The following SHISA4 variants were observed in gnomAD, a reference collection of about 807,000 sequenced individuals.
SHISA4 encodes shisa family member 4.
SHISA4 carries 16 observed loss-of-function variants against 24.2 expected under a neutral mutation model. The ratio of observed to expected loss-of-function variants is 0.66; its 90% confidence interval spans 0.45 to 1.00. The LOEUF is 1.00. Among genes scored for constraint, SHISA4 ranks in the 50% least tolerant of loss-of-function variants. The probability of loss-of-function intolerance (pLI) is 0.00; values close to 1 mark genes in which losing one functional copy is unlikely to be tolerated. For synonymous variants in SHISA4, 106 were observed against 105.4 expected, an observed-to-expected ratio of 1.01 and a Z score of -0.04; for missense variants, 238 against 258.9, an observed-to-expected ratio of 0.92 and a Z score of 0.55.
intron 1 of SHISA4, 31 bp downstream of exon 1, chr1:201,889,098 T>C: frequency 7.4e-7 from 1 of 1,344,396 alleles, no homozygotes; most frequent in African/African-American, 1.6e-5. Context: ...GCGGCAGGAG[T>C]GGGATGGGGG....
At chr1:201,891,739 G>T in intron 4 of SHISA4, 61 bp from the exon 5 acceptor site, 4 of 1,597,946 alleles carry the variant, frequency 2.5e-6, no homozygotes, top group African/African-American at 1.3e-5. Context: ...CGGGGGCAGG[G>T]GTGTTACTTT....
chr1:201,890,467 G>A lies in SHISA4; in HGVS notation c.259G>A (p.Ala87Thr). ...CTTTGTCTAAAGCCCCAAGACCATA[G>A]CAGGCATCGCCTCAGCTGTGATCCT... ...HCLAFSPKTI[A>T]GIASAVILFV... Residue 87 changes from alanine (A) to threonine (T), a missense_variant, in exon 3 of 5, where the codon GCA (alanine) becomes ACA (threonine). Coordinates refer to ENST00000362011, the MANE Select transcript of SHISA4 (RefSeq NM_198149.3). The A allele has an allele frequency of 1.9e-6, 3 of 1,614,230 alleles. No individual in the cohort carries two copies. The East Asian group carries it at 6.7e-5, about 36-fold the overall frequency.
At position 201,891,780 on chromosome 1, in the gene SHISA4, C is replaced by T; in HGVS notation, c.548-20C>T. 6.2e-7 allele frequency: 1 copy of T among 1,614,072 alleles called. No individual in the cohort carries two copies. The highest frequency in any genetic ancestry group is 1.7e-5 in the Admixed American group (1 of 60,014). The stretch of plus-strand genomic sequence containing the variant: ...CACCTATGCCACCACTCACCCTCAT[C>T]CTGTCTCTTTGGCTTTCAGCTCCTC... On this transcript the variant is annotated intron_variant, in intron 4 of 4. Coordinates refer to ENST00000362011, the MANE Select transcript of SHISA4 (RefSeq NM_198149.3).
At chr1:201,888,825 C>A, upstream of SHISA4, 1 of 401,192 alleles carries the variant, frequency 2.5e-6, no homozygotes, top group Non-Finnish European at 4.3e-6. Context: ...TGCGCGGAGC[C>A]GCGCCGGCTG....
chr1:201,888,896 C>T, upstream of SHISA4: 1 of 807,194 alleles, frequency 1.2e-6, no homozygotes, highest in Non-Finnish European at 1.7e-6. Context: ...GAGCCCGAGC[C>T]TGGCCGCGGG....
In SHISA4 at chr1:201,891,920, T is replaced by C. The variant is rs571232695; in HGVS notation, c.*74T>C. ...GATGCCCTCATCCTGTACCTGCATC[T>C]GGTCCTGGGGGTGGCAGGAGTCCTC... is the stretch of plus-strand genomic sequence containing the variant. On this transcript the variant is annotated 3_prime_UTR_variant, in exon 5 of 5. Coordinates refer to ENST00000362011, the MANE Select transcript of SHISA4 (RefSeq NM_198149.3). 2 of 1,571,908 alleles carry C rather than the reference T, an allele frequency of 1.3e-6. No individual in the cohort carries two copies. Among genetic ancestry groups the C allele is most frequent in the Non-Finnish European group, 8.8e-7 (1 of 1,142,364 alleles).
intron 3 of SHISA4, 77 bp from the exon 4 acceptor site, chr1:201,891,324 C>G: frequency 6.3e-7 from 1 of 1,586,544 alleles, no homozygotes; most frequent in South Asian, 1.1e-5. Context: ...GGGTGCTTAC[C>G]TTGGTTTCCT....
In SHISA4 at chr1:201,891,304, G is replaced by A. The variant is rs1055989204; in HGVS notation, c.380-97G>A. On this transcript the variant is annotated intron_variant, in intron 3 of 4. Transcript: ENST00000362011. Reference sequence around the variant, plus strand: ...ATGGCCAGCCTGGAGCTTGCCAGAGGCCAGCACCAGGGTGCTTACCTTGGT... The same window carrying A: ...ATGGCCAGCCTGGAGCTTGCCAGAGACCAGCACCAGGGTGCTTACCTTGGT... The A allele has an allele frequency of 4.1e-6, 6 of 1,474,266 alleles. No homozygotes were observed. The Admixed American group carries it at 6.8e-5, about 17-fold the overall frequency. 91.3% of individuals were successfully genotyped at this position (1,474,266 alleles called of 1,614,324 possible). A position where few individuals can be genotyped will look rare whatever the true frequency, so the allele number is the denominator to read the frequency against.
At chr1:201,890,611 G>C (rs370229118) in intron 3 of SHISA4, 24 bp downstream of exon 3, 4 of 1,612,824 alleles carry the variant, frequency 2.5e-6, no homozygotes, top group Non-Finnish European at 3.4e-6. Context: ...TGGGCAAGAA[G>C]GGCCTCAGAT....
At chr1:201,891,249 ACT>A (rs1681091898) in intron 3 of SHISA4, 150 bp from the exon 4 acceptor site, 4 of 856,342 alleles carry the variant, frequency 4.7e-6, no homozygotes, top group South Asian at 4.7e-5. Context: ...TCCCTGCTTA[ACT>A]CTGCCAAGCA....
intron 4 of SHISA4, 36 bp from the exon 5 acceptor site, chr1:201,891,764 C>T (rs1681104590): frequency 1.9e-6 from 3 of 1,613,064 alleles, no homozygotes; most frequent in African/African-American, 2.7e-5. Flanking sequence ...CCACCTATGC[C>T]ACCACTCACC....
At chr1:201,890,216 A>G (rs938431343) in intron 2 of SHISA4, among the ~76,000 whole-genome samples, 16 of 152,200 alleles carry the variant, frequency 1.1e-4, no homozygotes, top group African/African-American at 3.4e-4. Flanking sequence ...TATAAAAGCA[A>G]TGGTTGGGGG....
chr1:201,889,008 G>T lies in SHISA4; in HGVS notation c.14G>T (p.Gly5Val), dbSNP rs558311484. 2.5e-4 allele frequency: 339 copies of T among 1,382,412 alleles called. 2 individuals carry two copies. In the South Asian group the frequency reaches 5.5e-3, roughly 22 times the overall value. 85.6% of individuals were successfully genotyped at this position (1,382,412 alleles called of 1,614,324 possible). A position where few individuals can be genotyped will look rare whatever the true frequency, so the allele number is the denominator to read the frequency against. The change falls in exon 1 of 5, where the codon GGG becomes GTG. Residue 5 changes from glycine to valine, a missense_variant. Transcript: ENST00000362011. MPPA[G>V]LRRAAPLTAI... ...CCAGCCCCCACCATGCCACCCGCGG[G>T]GCTCCGCCGGGCCGCGCCGCTCACC...
intron 1 of SHISA4, 157 bp from the exon 2 acceptor site, chr1:201,889,288 C>T (rs901527635): frequency 5.2e-5 from 57 of 1,099,438 alleles, no homozygotes; most frequent in Non-Finnish European, 6.5e-5. Flanking sequence ...GCAGAGGCCT[C>T]GGGGGCTCTG....
intron 2 of SHISA4, among the ~76,000 whole-genome samples, 191 bp downstream of exon 2, chr1:201,889,807 G>A (rs1681060142): frequency 1.3e-5 from 2 of 152,320 alleles, no homozygotes; most frequent in Middle Eastern, 6.8e-3. Flanking sequence ...TCCAGAAAAG[G>A]CATGTTAGTT....
At position 201,889,523 on chromosome 1, in the gene SHISA4, C is replaced by T. The variant is rs1553294238; in HGVS notation, c.152C>T (p.Thr51Ile). The change falls in exon 2 of 5, where the codon ACC becomes ATC. Residue 51 changes from threonine (T) to isoleucine (I), a missense_variant. Transcript: ENST00000362011. ...WHPGFNCEFF[T>I]FCCGTCYHRY... ...CCGGGGTTTAACTGCGAGTTCTTCA[C>T]CTTCTGCTGCGGGACCTGCTACCAT... 6.2e-7 allele frequency: 1 copy of T among 1,614,058 alleles called. No homozygotes were observed. The highest frequency in any genetic ancestry group is 1.1e-5 in the South Asian group (1 of 91,070).
chr1:201,889,597 A>G lies in SHISA4; in HGVS notation c.226A>G (p.Lys76Glu). ...LTLLITERQQ[K>E]HCLAFSPKTI... ...CTTGCTTATCACCGAGAGGCAGCAGAAGCACTGCCTGGCCTTCAGGTGGGT... is the reference window on the plus strand; with the variant it reads ...CTTGCTTATCACCGAGAGGCAGCAGGAGCACTGCCTGGCCTTCAGGTGGGT... The change falls in exon 2 of 5, where the codon AAG (lysine) becomes GAG (glutamate). Residue 76 changes from lysine to glutamate, a missense_variant. By Grantham distance (56) the Lys-to-Glu change is moderately conservative (BLOSUM62 1). Transcript: ENST00000362011. 1 of 1,613,532 alleles carries G rather than the reference A, an allele frequency of 6.2e-7. No homozygotes were observed. Among genetic ancestry groups the G allele is most frequent in the African/African-American group, 1.3e-5 (1 of 74,908 alleles).
rs1364575246 is a variant in SHISA4, at chr1:201,889,441, G to A, written c.74-4G>A. 1 of 1,611,834 alleles carries A rather than the reference G, an allele frequency of 6.2e-7. No individual in the cohort carries two copies. Among genetic ancestry groups the A allele is most frequent in the Admixed American group, 1.7e-5 (1 of 60,022 alleles). The stretch of plus-strand genomic sequence containing the variant: ...CACTGGGCACCCCCAATCCCTGCCC[G>A]CAGTGCTGGCCGGCGAGGACTGCCT... On this transcript the variant is annotated splice_polypyrimidine_tract_variant and splice_region_variant and intron_variant, in intron 1 of 4. Coordinates refer to ENST00000362011, the MANE Select transcript of SHISA4 (RefSeq NM_198149.3).
In SHISA4 at chr1:201,891,912, C is replaced by T. The variant is rs928353215; in HGVS notation, c.*66C>T. On this transcript the variant is annotated 3_prime_UTR_variant, in exon 5 of 5. Transcript: ENST00000362011. ...CCTTGGGAGATGCCCTCATCCTGTACCTGCATCTGGTCCTGGGGGTGGCAG... is the reference window on the plus strand; with the variant it reads ...CCTTGGGAGATGCCCTCATCCTGTATCTGCATCTGGTCCTGGGGGTGGCAG... 2 of 1,582,550 alleles carry T rather than the reference C, an allele frequency of 1.3e-6. No homozygotes were observed. The highest frequency in any genetic ancestry group is 1.3e-5 in the African/African-American group (1 of 74,158).
Sources: gnomAD v4.1 joint callset for allele counts (sites outside exome capture counted in the v4.1 genomes callset) on GRCh38, gnomAD v4.1.1 for gene constraint, MANE v1.5 for transcripts, NCBI Gene and HGNC (gene_info 2026-07-23, HGNC 2026-07-21) for gene names.